Variants in COL4A4 observed in about 807,000 individuals in gnomAD.
COL4A4 encodes collagen alpha-4(IV) chain.
COL4A4 carries 105 observed loss-of-function variants against 192.9 expected under a neutral mutation model. The observed-to-expected ratio is 0.54, with a 90% CI of 0.46 to 0.64. The LOEUF is 0.64. COL4A4 is among the 30% of genes least tolerant of loss of function. COL4A4 has a pLI of 0.00. For synonymous variants in COL4A4, 762 were observed against 769.9 expected, an observed-to-expected ratio of 0.99 and a Z score of 0.17; for missense variants, 1,967 against 2,169.3, an observed-to-expected ratio of 0.91 and a Z score of 1.85.
At chr2:227,031,832 T>G in intron 40 of COL4A4, 113 bp downstream of exon 40, 4 of 808,108 alleles carry the variant, frequency 4.9e-6, no homozygotes, top group Non-Finnish European at 6.4e-6. Flanking sequence ...GCCAAGCTGA[T>G]GGGGGGCTGC....
chr2:226,972,929 C>CAAAAAAA, the COL4A4 span, among the ~76,000 whole-genome samples: 1 of 127,032 alleles, frequency 7.9e-6, no homozygotes, highest in Non-Finnish European at 1.7e-5. Context: ...AAGCCTGTAG[C>CAAAAAAA]AAAAAAAAAA....
At chr2:227,023,413 G>T (rs1466721525) in intron 43 of COL4A4, among the ~76,000 whole-genome samples, 4 of 147,348 alleles carry the variant, frequency 2.7e-5, no homozygotes, top group African/African-American at 1.0e-4. Flanking sequence ...CTGCACTCCA[G>T]CCTGGGTGAC....
the COL4A4 span, among the ~76,000 whole-genome samples, chr2:226,974,715 CTCTT>C: frequency 1.3e-5 from 2 of 152,184 alleles, no homozygotes; most frequent in African/African-American, 2.4e-5. Context: ...CACCAGGATC[CTCTT>C]TAGTGTCCCG....
At chr2:227,087,257 T>C (rs1011842236) in intron 22 of COL4A4, among the ~76,000 whole-genome samples, 1 of 152,240 alleles carries the variant, frequency 6.6e-6, no homozygotes, top group African/African-American at 2.4e-5. Flanking sequence ...TGATATCACG[T>C]AAACTCTGAC....
chr2:227,042,159 G>A lies in COL4A4; in HGVS notation c.3494C>T (p.Pro1165Leu), dbSNP rs374343979. ...LQGDPGIPGP[P>L]GIKGPSGSPG... is the part of the protein sequence containing the mutation. ...TCATTTTGACTTACCTTTTATTCCCGGAGGACCTGGTATCCCTGGATCCCC... is the reference window on the plus strand; with the variant it reads ...TCATTTTGACTTACCTTTTATTCCCAGAGGACCTGGTATCCCTGGATCCCC... Residue 1165 changes from proline (P) to leucine (L), a missense_variant, in exon 37 of 48, where the codon CCG (proline) becomes CTG (leucine). Transcript: ENST00000396625. 3.2e-5 allele frequency: 52 copies of A among 1,602,720 alleles called. No individual in the cohort carries two copies. Among genetic ancestry groups the A allele is most frequent in the African/African-American group, 1.3e-4 (10 of 74,608 alleles).
chr2:227,007,981 G>T, intron 47 of COL4A4, 37 bp downstream of exon 47: 1 of 1,600,996 alleles, frequency 6.2e-7, no homozygotes, highest in Non-Finnish European at 8.5e-7. Flanking sequence ...TTAGGAAATG[G>T]TGAATGAGCC....
Position 227,031,994 on chromosome 2 carries a change from G to C in COL4A4, c.3768C>G (p.Asp1256Glu), listed in dbSNP as rs1227212275. The change falls in exon 40 of 48, where the codon GAC becomes GAG. Residue 1256 changes from aspartate (D) to glutamate (E), a missense_variant. Physicochemically the swap from Asp to Glu is conservative, Grantham distance 45. Transcript: ENST00000396625. ...ATGRAPKDIP[D>E]PGPPGDQGPP... ...GTCCCTGATCTCCAGGTGGACCCGGGTCAGGAATGTCCTTAGGAGCTCTTC... is the reference window on the plus strand; with the variant it reads ...GTCCCTGATCTCCAGGTGGACCCGGCTCAGGAATGTCCTTAGGAGCTCTTC... 8 of 1,613,866 alleles carry C rather than the reference G, an allele frequency of 5.0e-6. No homozygotes were observed. Among genetic ancestry groups the C allele is most frequent in the Non-Finnish European group, 6.8e-6 (8 of 1,179,890 alleles).
rs548346049 is a variant in COL4A4 at position 227,164,135 on chromosome 2, A to C, written c.-230T>G. The C allele has an allele frequency of 6.6e-6, 1 of 152,450 alleles. No individual in the cohort carries two copies. The highest frequency in any genetic ancestry group is 2.4e-5 in the African/African-American group (1 of 41,554). 9.4% of individuals were successfully genotyped at this position (152,450 alleles called of 1,614,324 possible). The stretch of plus-strand genomic sequence containing the variant: ...CTCGCAGCCAAGCCCGGCGGCCGCA[A>C]GTTGGAGGCGGGCTGGAGGCGGGGA... On this transcript the variant is annotated 5_prime_UTR_variant, in exon 1 of 48. Transcript: ENST00000396625. This position sits in a 1 kb window ranked among gnomAD's most constrained non-coding sequence, Gnocchi z 4.8.
At chr2:227,096,551 C>T (rs539388419) in intron 19 of COL4A4, among the ~76,000 whole-genome samples, 4 of 152,296 alleles carry the variant, frequency 2.6e-5, no homozygotes, top group African/African-American at 9.6e-5. Flanking sequence ...AGATAAGGCA[C>T]ACAAAGTTTA....
chr2:227,111,643 G>A, intron 9 of COL4A4, 35 bp downstream of exon 9: 2 of 1,609,238 alleles, frequency 1.2e-6, no homozygotes, highest in Non-Finnish European at 8.5e-7. Flanking sequence ...ATTTGAGGAG[G>A]AAATAGAAGC....
chr2:226,970,144 C>T, the COL4A4 span, among the ~76,000 whole-genome samples: 1 of 151,900 alleles, frequency 6.6e-6, no homozygotes, highest in Admixed American at 6.6e-5. Flanking sequence ...CACATGGCCT[C>T]CTAGGATATA....
chr2:227,132,173 A>T (rs1338493550), intron 4 of COL4A4, among the ~76,000 whole-genome samples: 1 of 152,166 alleles, frequency 6.6e-6, no homozygotes, highest in Non-Finnish European at 1.5e-5. Context: ...TCCCATGCAA[A>T]GCAAGCCAGG....
At chr2:227,106,100 C>A (rs1180045601) in intron 12 of COL4A4, among the ~76,000 whole-genome samples, 1 of 146,410 alleles carries the variant, frequency 6.8e-6, no homozygotes, top group African/African-American at 2.5e-5. Flanking sequence ...TGAAGAAAAG[C>A]CAGATTAGAA....
intron 19 of COL4A4, among the ~76,000 whole-genome samples, chr2:227,096,766 G>A (rs892948594): frequency 6.6e-6 from 1 of 152,162 alleles, no homozygotes; most frequent in Non-Finnish European, 1.5e-5. Context: ...CTAGTTCATA[G>A]TGCAAATGCA....
chr2:227,106,641 C>T (rs1377646133), intron 12 of COL4A4, among the ~76,000 whole-genome samples: 8 of 152,260 alleles, frequency 5.3e-5, no homozygotes, highest in African/African-American at 1.9e-4. Flanking sequence ...TCTTGGCTCA[C>T]TGCAACTGCC....
intron 40 of COL4A4, among the ~76,000 whole-genome samples, 194 bp downstream of exon 40, chr2:227,031,751 G>A (rs1968460179): frequency 6.6e-6 from 1 of 152,132 alleles, no homozygotes; most frequent in Non-Finnish European, 1.5e-5. Flanking sequence ...CCAAGTCCTG[G>A]TCCTGGATAT....
chr2:226,987,226 T>C, the COL4A4 span, among the ~76,000 whole-genome samples: 3 of 152,006 alleles, frequency 2.0e-5, no homozygotes, highest in Admixed American at 2.0e-4. Context: ...ACCCAATGCA[T>C]CTGGGGCTTA....
rs563590362 is a variant in COL4A4, at chr2:227,019,808, C to CA, written c.4216+2239dup. ...TCAGCCTCCTAAGTAGCTGGGATTA[C>CA]AGGCATCTGCCACCACGCTCAGCTA... On this transcript the variant is annotated intron_variant, in intron 44 of 47. Transcript: ENST00000396625. Among the ~76,000 whole-genome samples, 587 of 152,338 alleles carry CA rather than the reference C, an allele frequency of 3.9e-3. 3 individuals carry two copies. The highest frequency in any genetic ancestry group is 5.7e-3 in the Non-Finnish European group (385 of 68,034).
In COL4A4 at chr2:227,119,891, T is replaced by C; in HGVS notation, c.372+4A>G. On this transcript the variant is annotated splice_donor_region_variant and intron_variant, in intron 6 of 47. Coordinates refer to ENST00000396625, the MANE Select transcript of COL4A4 (RefSeq NM_000092.5). The stretch of plus-strand genomic sequence containing the variant: ...AAAAGTGGAGAAAATTTAGGGATAC[T>C]TACAGGTATGCCATCTAAACCTGGA... The C allele has an allele frequency of 6.3e-7, 1 of 1,582,782 alleles. No homozygotes were observed. Among genetic ancestry groups the C allele is most frequent in the Non-Finnish European group, 8.6e-7 (1 of 1,163,070 alleles).
Sources: gnomAD v4.1 joint callset for allele counts (sites outside exome capture counted in the v4.1 genomes callset) on GRCh38, gnomAD v4.1.1 for gene constraint, Gnocchi (gnomAD v3.1) non-coding constraint, MANE v1.5 for transcripts, NCBI Gene and HGNC (gene_info 2026-07-23, HGNC 2026-07-21) for gene names.